ADGRL2: variants seen among roughly 807,000 people sequenced by gnomAD.
ADGRL2 encodes adhesion G protein-coupled receptor L2.
In ADGRL2, 44 loss-of-function variants were observed where a neutral mutation model predicts 157.4. That is an observed-to-expected ratio of 0.28 (90% CI 0.22 to 0.36). ADGRL2 has a LOEUF of 0.36. Among genes scored for constraint, ADGRL2 ranks in the 10% least tolerant of loss-of-function variants. ADGRL2 has a pLI of 1.00. For synonymous variants in ADGRL2, 585 were observed against 624.7 expected (o/e 0.94, Z 0.95); for missense variants, 1,510 against 1,768.9 (o/e 0.85, Z 2.63).
chr1:81,651,377 T>C (rs1361231801), intron 3 of ADGRL2, among the ~76,000 whole-genome samples: 2 of 152,206 alleles, frequency 1.3e-5, no homozygotes, highest in Non-Finnish European at 2.9e-5. Context: ...AGAGTCTTGC[T>C]AACAAACCAA....
At chr1:81,482,463 C>T (rs866426852) in intron 2 of ADGRL2, among the ~76,000 whole-genome samples, 47 of 62,292 alleles carry the variant, frequency 7.5e-4, no homozygotes, top group African/African-American at 2.2e-3. Flanking sequence ...TAAAATAAGG[C>T]GAATAGCTAT....
At chr1:81,551,136 G>A (rs928945209) in intron 2 of ADGRL2, among the ~76,000 whole-genome samples, 2 of 152,164 alleles carry the variant, frequency 1.3e-5, no homozygotes, top group African/African-American at 4.8e-5. Context: ...ACATGTAAGT[G>A]TGTGTCACAT....
intron 1 of ADGRL2, chr1:81,699,958 G>A (rs2083526731): frequency 6.6e-6 from 1 of 152,006 alleles, no homozygotes; most frequent in South Asian, 2.1e-4. Context: ...GAATTGTCTG[G>A]TGCCTGCTCT....
At chr1:81,821,007 G>A (rs2090939210) in intron 1 of ADGRL2, among the ~76,000 whole-genome samples, 1 of 152,082 alleles carries the variant, frequency 6.6e-6, no homozygotes. Flanking sequence ...GTCCTGGTGT[G>A]TGATGGCTTG....
intron 1 of ADGRL2, among the ~76,000 whole-genome samples, chr1:81,352,079 G>A (rs1662936799): frequency 2.0e-5 from 3 of 152,192 alleles, no homozygotes; most frequent in South Asian, 4.1e-4. Context: ...ACAGACAAAG[G>A]AGTCACCGCA....
At chr1:81,591,746 C>T (rs1257785444) in intron 3 of ADGRL2, among the ~76,000 whole-genome samples, 2 of 152,164 alleles carry the variant, frequency 1.3e-5, no homozygotes, top group Non-Finnish European at 2.9e-5. Flanking sequence ...TGGCTTTGAT[C>T]AATTAATCTG....
intron 3 of ADGRL2, among the ~76,000 whole-genome samples, chr1:81,933,114 A>C (rs921951571): frequency 2.0e-5 from 3 of 152,216 alleles, no homozygotes; most frequent in Non-Finnish European, 4.4e-5. Context: ...ATCTTTATAA[A>C]TATAAAATGA....
At chr1:81,929,715 A>G (rs373575449) in intron 3 of ADGRL2, among the ~76,000 whole-genome samples, 1 of 152,324 alleles carries the variant, frequency 6.6e-6, no homozygotes, top group East Asian at 1.9e-4. Flanking sequence ...CACAGTAAAG[A>G]GTACGCACAG....
At position 81,459,697 on chromosome 1, in the gene ADGRL2, T is replaced by C. The variant is rs187682595; in HGVS notation, c.-248+14608T>C. On this transcript the variant is annotated intron_variant, in intron 2 of 24. Transcript: ENST00000370721. ...TCCTTTACATACATACATGTGTATA[T>C]ATATATACACACACACACATATACA... Among the ~76,000 whole-genome samples the C allele has an allele frequency of 3.9e-4, 60 of 152,008 alleles. 1 individual carries two copies. The highest frequency in any genetic ancestry group is 2.1e-3 in the South Asian group (10 of 4,820).
intron 1 of ADGRL2, among the ~76,000 whole-genome samples, chr1:81,806,840 G>A (rs1303550927): frequency 6.6e-6 from 1 of 151,954 alleles, no homozygotes; most frequent in Non-Finnish European, 1.5e-5. Context: ...CTTTGGAAAT[G>A]GAGGAATTTA....
rs2094923080 is a variant in ADGRL2, at chr1:81,919,102, A to G, written c.287+11872A>G. The stretch of plus-strand genomic sequence containing the variant: ...CAGGTTGATATGTACATTTTAGGAT[A>G]TTTCATTGTATCTTTAGATATCTTC... On this transcript the variant is annotated intron_variant, in intron 3 of 23. Transcript: ENST00000686636. 2.0e-5 allele frequency among the ~76,000 whole-genome samples: 3 copies of G among 152,118 alleles called. No individual in the cohort carries two copies. In the South Asian group the frequency reaches 6.2e-4, roughly 32 times the overall value.
intron 3 of ADGRL2, among the ~76,000 whole-genome samples, chr1:81,693,205 C>T (rs2083377705): frequency 6.6e-6 from 1 of 152,130 alleles, no homozygotes; most frequent in Admixed American, 6.6e-5. Context: ...TTCCCATGTC[C>T]CCATACGCTT....
intron 3 of ADGRL2, among the ~76,000 whole-genome samples, chr1:81,914,189 T>C: frequency 6.6e-6 from 1 of 152,168 alleles, no homozygotes. Flanking sequence ...TTTACATTGA[T>C]CATCCATTCT....
At chr1:81,911,194 C>T (rs549738311) in intron 3 of ADGRL2, among the ~76,000 whole-genome samples, 3 of 152,064 alleles carry the variant, frequency 2.0e-5, no homozygotes, top group South Asian at 4.1e-4. Flanking sequence ...TTATAGTATA[C>T]TGTCTTAAGT....
At chr1:81,841,369 A>G (rs1363931317) in intron 2 of ADGRL2, among the ~76,000 whole-genome samples, 1 of 152,096 alleles carries the variant, frequency 6.6e-6, no homozygotes, top group Non-Finnish European at 1.5e-5. Context: ...ACTTGAGTTA[A>G]TGTTCTCTCT....
intron 6 of ADGRL2, among the ~76,000 whole-genome samples, chr1:81,948,154 T>C (rs1011949161): frequency 1.3e-5 from 2 of 150,402 alleles, no homozygotes; most frequent in African/African-American, 4.9e-5. Flanking sequence ...GAGGCGGAGG[T>C]TGCAGTGAGC....
At chr1:81,919,834 A>G (rs2094937968) in intron 3 of ADGRL2, among the ~76,000 whole-genome samples, 1 of 152,202 alleles carries the variant, frequency 6.6e-6, no homozygotes, top group African/African-American at 2.4e-5. Flanking sequence ...AATAGTGGTC[A>G]TAACAAATAT....
intron 2 of ADGRL2, among the ~76,000 whole-genome samples, chr1:81,546,441 A>G (rs888830679): frequency 6.6e-6 from 1 of 152,236 alleles, no homozygotes; most frequent in Admixed American, 6.5e-5. Context: ...ACCCTGTGAT[A>G]TGAAGACTGG....
intron 2 of ADGRL2, among the ~76,000 whole-genome samples, chr1:81,455,794 A>G (rs1382462140): frequency 6.6e-6 from 1 of 152,210 alleles, no homozygotes; most frequent in African/African-American, 2.4e-5. Flanking sequence ...TGAAACGTGA[A>G]AGACATTGGA....
Sources: allele counts gnomAD v4.1 joint callset (sites outside exome capture counted in the v4.1 genomes callset), GRCh38; gene constraint gnomAD v4.1.1; transcripts MANE v1.5; gene names NCBI Gene and HGNC (gene_info 2026-07-23, HGNC 2026-07-21).